Variants in PRAMEF17 observed in about 807,000 individuals in gnomAD.
PRAMEF17 encodes PRAME family member 17.
In PRAMEF17, 48 loss-of-function variants were observed where a neutral mutation model predicts 36.8. The observed-to-expected ratio is 1.30, with a 90% confidence interval of 1.03 to 1.66. PRAMEF17 has a LOEUF of 1.66. PRAMEF17 is among the 40% of genes most tolerant of loss of function. The pLI is 0.00. For synonymous variants in PRAMEF17, 246 were observed against 220.4 expected, an observed-to-expected ratio of 1.12 and a Z score of -1.03; for missense variants, 639 against 560.6, an observed-to-expected ratio of 1.14 and a Z score of -1.41.
intron 2 of PRAMEF17, among the ~76,000 whole-genome samples, chr1:13,391,263 AGAG>A (rs1257571879): frequency 6.6e-6 from 1 of 152,210 alleles, no homozygotes; most frequent in Non-Finnish European, 1.5e-5. Context: ...TTCTTCATAT[AGAG>A]GAGAGTATGA....
rs1640861292 is a variant in PRAMEF17 at position 13,390,236 on chromosome 1, C to T, written c.288-105C>T. 2.6e-6 allele frequency: 4 copies of T among 1,554,266 alleles called. No homozygotes were observed. The South Asian group carries it at 4.7e-5, about 18-fold the overall frequency. On this transcript the variant is annotated intron_variant, in intron 1 of 2. Transcript: ENST00000376098. ...TGGAGAAGAGACAGAAGGAGGAGCACTGAGGACAGGAGCAGCTGACTGATG... is the reference window on the plus strand; with the variant it reads ...TGGAGAAGAGACAGAAGGAGGAGCATTGAGGACAGGAGCAGCTGACTGATG...
chr1:13,392,153 G>C lies in PRAMEF17; in HGVS notation c.1076G>C (p.Cys359Ser), dbSNP rs1569850796. 6.2e-7 allele frequency: 1 copy of C among 1,611,970 alleles called. No individual in the cohort carries two copies. Among genetic ancestry groups the C allele is most frequent in the Non-Finnish European group, 8.5e-7 (1 of 1,179,842 alleles). ...CTCGAGATCCTCACGTTAAAGGACTGTCAGATCCAGGACTCCCAGCTCAGG... is the reference window on the plus strand; with the variant it reads ...CTCGAGATCCTCACGTTAAAGGACTCTCAGATCCAGGACTCCCAGCTCAGG... ...ATLEILTLKD[C>S]QIQDSQLRVL... The change falls in exon 3 of 3, where the codon TGT (cysteine) becomes TCT (serine). Residue 359 changes from cysteine (C) to serine (S), a missense_variant. Cys to Ser is a moderately radical substitution (Grantham distance 112, BLOSUM62 -1). Transcript: ENST00000376098.
chr1:13,391,299 C>G (rs1188046649), intron 2 of PRAMEF17, among the ~76,000 whole-genome samples: 3 of 152,138 alleles, frequency 2.0e-5, no homozygotes, highest in African/African-American at 4.8e-5. Context: ...TGCATCAAAC[C>G]TGCGTGTTTC....
Position 13,392,421 on chromosome 1 carries a change from G to A in PRAMEF17, c.1344G>A (p.Lys448=). 1.9e-6 allele frequency: 3 copies of A among 1,611,994 alleles called. No homozygotes were observed. The highest frequency in any genetic ancestry group is 3.3e-5 in the Admixed American group (2 of 60,006). ...CACTCAGGGAAGTCAGGCAGCCCAA[G>A]AGGATCTTTTTTGGTCCCATCCCCT... ...MCTLREVRQP[K]RIFFGPIPCP... The change falls in exon 3 of 3, where the codon AAG becomes AAA. Residue 448 remains lysine (K), a synonymous_variant. Coordinates refer to ENST00000376098, the MANE Select transcript of PRAMEF17 (RefSeq NM_001099851.3).
In PRAMEF17 at chr1:13,389,816, G is replaced by A. The variant is rs1258159536; in HGVS notation, c.159G>A (p.Lys53=). ...GCATGAGACATTTTGAGGCCCTGAA[G>A]CTGATGGTGCAGGCCTGGCCCTTCC... ...ASSMRHFEAL[K]LMVQAWPFLR... Residue 53 remains lysine, a synonymous_variant, in exon 1 of 3, where the codon AAG becomes AAA. Coordinates refer to ENST00000376098, the MANE Select transcript of PRAMEF17 (RefSeq NM_001099851.3). 1 of 1,613,506 alleles carries A rather than the reference G, an allele frequency of 6.2e-7. No individual in the cohort carries two copies. Among genetic ancestry groups the A allele is most frequent in the African/African-American group, 1.3e-5 (1 of 75,004 alleles).
In PRAMEF17 at chr1:13,390,553, T is replaced by G. The variant is rs1173612028; in HGVS notation, c.500T>G (p.Leu167Arg). The G allele has an allele frequency of 6.2e-7, 1 of 1,611,854 alleles. No homozygotes were observed. The highest frequency in any genetic ancestry group is 8.5e-7 in the Non-Finnish European group (1 of 1,179,870). ...ACACTGGATGAATGCCTGAGCTACC[T>G]CTGCAGGTGGATCCACTACAGAAGA... ...ESTLDECLSY[L>R]CRWIHYRRGL... is the part of the protein sequence containing the mutation. The change falls in exon 2 of 3, where the codon CTC (leucine) becomes CGC (arginine). Residue 167 changes from leucine to arginine, a missense_variant. Transcript: ENST00000376098.
Position 13,390,865 on chromosome 1 carries a change from T to G in PRAMEF17, c.812T>G (p.Met271Arg). The G allele has an allele frequency of 9.9e-6, 16 of 1,612,036 alleles. No individual in the cohort carries two copies. Among genetic ancestry groups the G allele is most frequent in the Non-Finnish European group, 1.4e-5 (16 of 1,179,862 alleles). Residue 271 changes from methionine (M) to arginine (R), a missense_variant, in exon 2 of 3, where the codon ATG becomes AGG. Physicochemically the swap from Met to Arg is moderately conservative, Grantham distance 91. Coordinates refer to ENST00000376098, the MANE Select transcript of PRAMEF17 (RefSeq NM_001099851.3). ...CPFLCLYYPQ[M>R]LYIRKISNIK... ...TTCCTCTGCCTGTACTACCCTCAGA[T>G]GCTTTATATAAGAAAGATCAGTAAT...
At position 13,390,719 on chromosome 1, in the gene PRAMEF17, A is replaced by G; in HGVS notation, c.666A>G (p.Gly222=). 1.2e-6 allele frequency: 2 copies of G among 1,611,998 alleles called. No individual in the cohort carries two copies. Among genetic ancestry groups the G allele is most frequent in the African/African-American group, 1.3e-5 (1 of 74,966 alleles). Residue 222 remains glycine, a synonymous_variant, in exon 2 of 3, where the codon GGA becomes GGG. Transcript: ENST00000376098. ...GAAAGTGCTCTCTGAATAAAACAGGAAAGTTTGCCCCTTACTTGAGCCAGA... is the reference window on the plus strand; with the variant it reads ...GAAAGTGCTCTCTGAATAAAACAGGGAAGTTTGCCCCTTACTTGAGCCAGA... ...IKRKCSLNKT[G]KFAPYLSQMS...
In PRAMEF17 at chr1:13,392,253, T is replaced by A; in HGVS notation, c.1176T>A (p.Asn392Lys). Residue 392 changes from asparagine (N) to lysine (K), a missense_variant, in exon 3 of 3, where the codon AAT (asparagine) becomes AAA (lysine). By Grantham distance (94) the Asn-to-Lys change is moderately conservative. Transcript: ENST00000376098. ...FYFRGNETST[N>K]ALKDLLCHTG... Reference sequence around the variant, plus strand: ...TTCGCGGAAATGAGACCTCCACGAATGCTCTGAAAGACCTGCTGTGTCACA... The same window carrying A: ...TTCGCGGAAATGAGACCTCCACGAAAGCTCTGAAAGACCTGCTGTGTCACA... The A allele has an allele frequency of 6.2e-7, 1 of 1,612,004 alleles. No homozygotes were observed. Among genetic ancestry groups the A allele is most frequent in the African/African-American group, 1.3e-5 (1 of 74,972 alleles).
At position 13,389,940 on chromosome 1, in the gene PRAMEF17, C is replaced by T. The variant is rs1361618955; in HGVS notation, c.283C>T (p.Pro95Ser). 2.8e-5 allele frequency: 45 copies of T among 1,612,368 alleles called. No individual in the cohort carries two copies. Among genetic ancestry groups the T allele is most frequent in the Non-Finnish European group, 3.7e-5 (44 of 1,180,026 alleles). Residue 95 changes from proline to serine, a missense_variant, in exon 1 of 3, where the codon CCC (proline) becomes TCC (serine). Coordinates refer to ENST00000376098, the MANE Select transcript of PRAMEF17 (RefSeq NM_001099851.3). ...TACACTGCTGGCCCAGAAGCTTCGC[C>T]CCAGGTGAGGTGACTCAGGTGGCCT... Reference protein sequence around the residue: ...LDTLLAQKLRPRRWKLQVLDL... With the variant: ...LDTLLAQKLRSRRWKLQVLDL...
At position 13,390,689 on chromosome 1, in the gene PRAMEF17, T is replaced by G; in HGVS notation, c.636T>G (p.Ile212Met). The G allele has an allele frequency of 2.5e-6, 4 of 1,612,002 alleles. No individual in the cohort carries two copies. The South Asian group carries it at 4.4e-5, about 18-fold the overall frequency. Residue 212 changes from isoleucine to methionine, a missense_variant, in exon 2 of 3, where the codon ATT becomes ATG. Transcript: ENST00000376098. ...CAGACAGTATCCAGGAGTTGGAAATTAAGAGAAAGTGCTCTCTGAATAAAA... is the reference window on the plus strand; with the variant it reads ...CAGACAGTATCCAGGAGTTGGAAATGAAGAGAAAGTGCTCTCTGAATAAAA... ...VYPDSIQELE[I>M]KRKCSLNKTG...
In PRAMEF17 at chr1:13,390,507, G is replaced by C. The variant is rs1045556755; in HGVS notation, c.454G>C (p.Asp152His). The C allele has an allele frequency of 6.2e-7, 1 of 1,611,984 alleles. No individual in the cohort carries two copies. Among genetic ancestry groups the C allele is most frequent in the Non-Finnish European group, 8.5e-7 (1 of 1,179,860 alleles). ...GCACCAGCCCTTGAAGGTGTTCATA[G>C]ACCTCTGCCAAAAGGAAAGTACACT... The part of the protein sequence containing the change: ...GEHQPLKVFI[D>H]LCQKESTLDE... Residue 152 changes from aspartate (D) to histidine (H), a missense_variant, in exon 2 of 3, where the codon GAC becomes CAC. By Grantham distance (81) the Asp-to-His change is moderately conservative. Transcript: ENST00000376098.
intron 2 of PRAMEF17, 84 bp downstream of exon 2, chr1:13,391,003 T>C: frequency 6.3e-7 from 1 of 1,584,892 alleles, no homozygotes; most frequent in Non-Finnish European, 8.6e-7. Flanking sequence ...GGGCATCTAC[T>C]GTGTGCCAGC....
intron 2 of PRAMEF17, 41 bp downstream of exon 2, chr1:13,390,960 A>T: frequency 6.2e-7 from 1 of 1,611,210 alleles, no homozygotes; most frequent in Non-Finnish European, 8.5e-7. Flanking sequence ...ACCATACCAC[A>T]GACTTTTGTT....
At chr1:13,391,010 C>A (rs1640874049) in intron 2 of PRAMEF17, 91 bp downstream of exon 2, 7 of 1,552,492 alleles carry the variant, frequency 4.5e-6, no homozygotes, top group Non-Finnish European at 5.3e-6. Flanking sequence ...TACTGTGTGC[C>A]AGCCACTGGT....
rs1640856458 is a variant in PRAMEF17 at position 13,389,885 on chromosome 1, G to C, written c.228G>C (p.Glu76Asp). The C allele has an allele frequency of 1.1e-5, 18 of 1,613,520 alleles. No homozygotes were observed. Among genetic ancestry groups the C allele is most frequent in the Middle Eastern group, 1.8e-4 (1 of 5,508 alleles). Residue 76 changes from glutamate to aspartate, a missense_variant, in exon 1 of 3, where the codon GAG becomes GAC. Coordinates refer to ENST00000376098, the MANE Select transcript of PRAMEF17 (RefSeq NM_001099851.3). The stretch of plus-strand genomic sequence containing the variant: ...CCCTGATGAAGACACCTCATCTGGA[G>C]ACCTTGCAAGCTGTGCTGAAGGGAC... ...LGSLMKTPHL[E>D]TLQAVLKGLD... is the part of the protein sequence containing the mutation.
Position 13,390,728 on chromosome 1 carries a change from C to T in PRAMEF17, c.675C>T (p.Ala225=). The change falls in exon 2 of 3, where the codon GCC becomes GCT. Residue 225 remains alanine, a synonymous_variant. Transcript: ENST00000376098. ...CTCTGAATAAAACAGGAAAGTTTGCCCCTTACTTGAGCCAGATGAGCAATC... is the reference window on the plus strand; with the variant it reads ...CTCTGAATAAAACAGGAAAGTTTGCTCCTTACTTGAGCCAGATGAGCAATC... The part of the protein sequence containing the change: ...KCSLNKTGKF[A]PYLSQMSNLR... 1 of 1,611,942 alleles carries T rather than the reference C, an allele frequency of 6.2e-7. No homozygotes were observed. The highest frequency in any genetic ancestry group is 1.3e-5 in the African/African-American group (1 of 74,942).
rs1344725783 is a variant in PRAMEF17 at position 13,392,374 on chromosome 1, A to G, written c.1297A>G (p.Ile433Val). 7 of 1,611,952 alleles carry G rather than the reference A, an allele frequency of 4.3e-6. No homozygotes were observed. Among genetic ancestry groups the G allele is most frequent in the Non-Finnish European group, 5.9e-6 (7 of 1,179,838 alleles). Residue 433 changes from isoleucine to valine, a missense_variant, in exon 3 of 3, where the codon ATT (isoleucine) becomes GTT (valine). Physicochemically the swap from Ile to Val is conservative, Grantham distance 29. Transcript: ENST00000376098. ...TGTCAATTGGGAGATCCTCGCCCCA[A>G]TTCGGGCTGAGCTGATGTGTACACT... ...GHVNWEILAP[I>V]RAELMCTLRE... is the part of the protein sequence containing the mutation.
chr1:13,390,240 G>A (rs1640861370), intron 1 of PRAMEF17, 101 bp from the exon 2 acceptor site: 15 of 1,562,972 alleles, frequency 9.6e-6, no homozygotes, highest in South Asian at 4.7e-5. Flanking sequence ...GGAGCACTGA[G>A]GACAGGAGCA....
Sources: gnomAD v4.1 joint callset for allele counts (sites outside exome capture counted in the v4.1 genomes callset) on GRCh38, gnomAD v4.1.1 for gene constraint, MANE v1.5 for transcripts, NCBI Gene and HGNC (gene_info 2026-07-23, HGNC 2026-07-21) for gene names.